The following CA10 variants were observed in gnomAD, a reference collection of about 807,000 sequenced individuals.
CA10 encodes carbonic anhydrase 10 (inactive), also known as carbonic anhydrase-related protein 10.
A neutral mutation model predicts 44.2 loss-of-function variants in CA10; 14 were observed. The ratio of observed to expected loss-of-function variants is 0.32; its 90% CI spans 0.21 to 0.50. The LOEUF is 0.50. Ranked by LOEUF, CA10 falls within the 20% of genes least tolerant of loss-of-function variation. The pLI is 0.99. For missense variants in CA10, 350 were observed against 409.7 expected, an observed-to-expected ratio of 0.85 and a Z score of 1.26; for synonymous variants, 159 against 141.6, an observed-to-expected ratio of 1.12 and a Z score of -0.87.
chr17:51,646,323 T>A (rs1395822107), intron 6 of CA10, among the ~76,000 whole-genome samples: 1 of 152,120 alleles, frequency 6.6e-6, no homozygotes, highest in Non-Finnish European at 1.5e-5. Flanking sequence ...TGGAAAGTGC[T>A]CAGTAAGCAT....
intron 3 of CA10, among the ~76,000 whole-genome samples, chr17:51,852,535 C>G (rs1045556600): frequency 3.3e-5 from 5 of 152,084 alleles, no homozygotes; most frequent in Admixed American, 3.3e-4. Context: ...AGATTACAGA[C>G]TCAGAGAGGT....
At chr17:52,007,590 T>G (rs1044461012) in intron 2 of CA10, among the ~76,000 whole-genome samples, 3 of 151,618 alleles carry the variant, frequency 2.0e-5, no homozygotes, top group African/African-American at 7.2e-5. Flanking sequence ...AGAAAAAGAC[T>G]TAAAAAATAG....
chr17:51,826,915 T>G (rs1908028714), intron 3 of CA10, among the ~76,000 whole-genome samples: 1 of 152,182 alleles, frequency 6.6e-6, no homozygotes, highest in South Asian at 2.1e-4. Flanking sequence ...CACTGCATTC[T>G]CCCTGTGGTT....
chr17:52,013,165 A>C (rs2144139347), intron 2 of CA10, among the ~76,000 whole-genome samples: 1 of 152,172 alleles, frequency 6.6e-6, no homozygotes, highest in East Asian at 1.9e-4. Flanking sequence ...AGAAAAAGAG[A>C]TATCCATTGA....
chr17:51,703,859 C>T (rs17697375), intron 4 of CA10, among the ~76,000 whole-genome samples: 4,291 of 152,264 alleles, frequency 0.028, 79 homozygotes, highest in Non-Finnish European at 0.038. Context: ...CTAACCGGTC[C>T]CGGGCTGCTT....
chr17:52,008,533 T>C (rs1016953056), intron 2 of CA10, among the ~76,000 whole-genome samples: 2 of 151,844 alleles, frequency 1.3e-5, no homozygotes, highest in South Asian at 2.1e-4. Context: ...CTAGAGCTTT[T>C]CTAATTTCAA....
intron 3 of CA10, among the ~76,000 whole-genome samples, chr17:51,872,619 A>G (rs1022477735): frequency 6.6e-6 from 1 of 152,212 alleles, no homozygotes; most frequent in Non-Finnish European, 1.5e-5. Flanking sequence ...AGGGTATACT[A>G]GGTCCTGAAC....
chr17:52,072,501 C>A, intron 1 of CA10, 108 bp from the exon 2 acceptor site: 2 of 705,408 alleles, frequency 2.8e-6, no homozygotes, highest in Non-Finnish European at 4.8e-6. Context: ...TTTTCTACCC[C>A]AAAGTCATAC....
intron 3 of CA10, among the ~76,000 whole-genome samples, chr17:51,887,822 A>AGG (rs1980676722): frequency 6.8e-6 from 1 of 146,194 alleles, no homozygotes; most frequent in African/African-American, 2.6e-5. Flanking sequence ...AAACCCCTAA[A>AGG]CCCCTTCTCT....
chr17:52,120,286 G>A (rs1988984860), intron 1 of CA10, among the ~76,000 whole-genome samples: 2 of 152,054 alleles, frequency 1.3e-5, no homozygotes, highest in African/African-American at 2.4e-5. Context: ...TCCTGCCACC[G>A]GAGCCTTTGA....
At chr17:51,820,982 A>C (rs1298018759) in intron 3 of CA10, among the ~76,000 whole-genome samples, 1 of 150,746 alleles carries the variant, frequency 6.6e-6, no homozygotes, top group African/African-American at 2.5e-5. Context: ...GCTGTAGCTG[A>C]TTAATTTCTT....
intron 3 of CA10, among the ~76,000 whole-genome samples, chr17:51,892,182 C>T (rs16950712): frequency 0.02 from 3,073 of 152,234 alleles, 86 homozygotes; most frequent in African/African-American, 0.07. Flanking sequence ...CATGAAGTGC[C>T]GGATTCATGG....
intron 3 of CA10, among the ~76,000 whole-genome samples, chr17:51,904,879 C>T (rs1981475779): frequency 6.6e-6 from 1 of 152,116 alleles, no homozygotes; most frequent in African/African-American, 2.4e-5. Context: ...AAGCTCCTTG[C>T]TCTGCCACTT....
intron 2 of CA10, among the ~76,000 whole-genome samples, chr17:51,993,096 G>T (rs1985102903): frequency 6.6e-6 from 1 of 152,070 alleles, no homozygotes; most frequent in East Asian, 1.9e-4. Flanking sequence ...GGGATAATTT[G>T]TAATATCAGT....
chr17:51,660,555 C>T (rs1913966151), intron 4 of CA10, among the ~76,000 whole-genome samples: 1 of 152,200 alleles, frequency 6.6e-6, no homozygotes, highest in Admixed American at 6.5e-5. Context: ...TGCACTAGTG[C>T]ATGCCGGGGG....
At chr17:51,950,854 C>T (rs1983456353) in intron 2 of CA10, among the ~76,000 whole-genome samples, 1 of 152,032 alleles carries the variant, frequency 6.6e-6, no homozygotes, top group Admixed American at 6.6e-5. Flanking sequence ...TGGAAAATAG[C>T]CGAGCGCAGA....
Position 52,001,567 on chromosome 17 carries a change from G to GT in CA10, c.137-70436dup, listed in dbSNP as rs921971607. Among the ~76,000 whole-genome samples, 83 of 149,588 alleles carry GT rather than the reference G, an allele frequency of 5.5e-4. No individual in the cohort carries two copies. In the East Asian group the frequency reaches 6.5e-3, roughly 12 times the overall value. ...TTAAAGTATAAGTAACTATAGGGAA[G>GT]TTTTTTTTTTAATAGGGGATATTGC... On this transcript the variant is annotated intron_variant, in intron 2 of 8. Coordinates refer to ENST00000451037, the MANE Select transcript of CA10 (RefSeq NM_020178.5).
intron 6 of CA10, among the ~76,000 whole-genome samples, chr17:51,636,324 C>T (rs1597953130): frequency 6.6e-6 from 1 of 152,294 alleles, no homozygotes; most frequent in East Asian, 1.9e-4. Context: ...ACTCTTAGAG[C>T]AGTAAACACC....
chr17:51,975,595 G>A (rs568194618), intron 2 of CA10, among the ~76,000 whole-genome samples: 17 of 152,274 alleles, frequency 1.1e-4, no homozygotes, highest in African/African-American at 2.9e-4. Context: ...CAGGAGAATC[G>A]TCTGAACCCG....
Sources: allele counts gnomAD v4.1 joint callset (sites outside exome capture counted in the v4.1 genomes callset), GRCh38; gene constraint gnomAD v4.1.1; transcripts MANE v1.5; gene names NCBI Gene and HGNC (gene_info 2026-07-23, HGNC 2026-07-21).